The following ASTN2 variants were observed in gnomAD, a reference collection of about 807,000 sequenced individuals.
ASTN2 encodes astrotactin 2.
ASTN2 carries 54 observed loss-of-function variants against 139.8 expected under a neutral mutation model. The ratio of observed to expected loss-of-function variants is 0.39; its 90% CI spans 0.31 to 0.48. The LOEUF (loss-of-function observed/expected upper bound fraction) is 0.48, where lower values mean the gene tolerates loss of function less well. Among genes scored for constraint, ASTN2 ranks in the 20% least tolerant of loss-of-function variants. The probability of loss-of-function intolerance (pLI) is 0.95; values close to 1 mark genes in which losing one functional copy is unlikely to be tolerated. For synonymous variants in ASTN2, 756 were observed against 719.5 expected, an observed-to-expected ratio of 1.05 and a Z score of -0.81; for missense variants, 1,565 against 1,725.1, an observed-to-expected ratio of 0.91 and a Z score of 1.64.
chr9:116,436,615 A>T (rs1236324651), intron 22 of ASTN2, among the ~76,000 whole-genome samples: 8 of 152,208 alleles, frequency 5.3e-5, no homozygotes, highest in South Asian at 2.1e-4. Context: ...TAGTTAAACC[A>T]TTAGGGTGTG....
intron 5 of ASTN2, among the ~76,000 whole-genome samples, chr9:117,095,570 T>C (rs7875223): frequency 0.024 from 3,603 of 152,298 alleles, 131 homozygotes; most frequent in African/African-American, 0.082. Flanking sequence ...CTTGATTCTT[T>C]CCCATTAACC....
intron 10 of ASTN2, among the ~76,000 whole-genome samples, chr9:116,914,016 C>T (rs1588407073): frequency 6.8e-6 from 1 of 147,436 alleles, no homozygotes; most frequent in Non-Finnish European, 1.5e-5. Flanking sequence ...GTGGAGTAGG[C>T]ATTCTAGATA....
chr9:117,271,258 G>A (rs546871548), intron 2 of ASTN2, among the ~76,000 whole-genome samples: 1 of 152,146 alleles, frequency 6.6e-6, no homozygotes, highest in Non-Finnish European at 1.5e-5. Flanking sequence ...AGAAGAAAAA[G>A]CAGAAACCCC....
rs144385545 is a variant in ASTN2 at position 117,214,700 on chromosome 9, C to A, written c.673G>T (p.Val225Leu). The change falls in exon 3 of 23, where the codon GTG (valine) becomes TTG (leucine). Residue 225 changes from valine (V) to leucine (L), a missense_variant. Around this residue, in one of 4 missense-constraint regions of ASTN2, gnomAD observed 596 missense variants for 576.8 expected, o/e 1.03. Transcript: ENST00000313400. The part of the protein sequence containing the change: ...ALLLLLLVFT[V>L]ALYAQRRWQK... ...CAACGTCGCTGGGCGTACAGCGCCA[C>A]GGTGAACACCAGCAGCAGCAGCAGC... 21 of 1,521,188 alleles carry A rather than the reference C, an allele frequency of 1.4e-5. No homozygotes were observed. The highest frequency in any genetic ancestry group is 1.8e-4 in the Middle Eastern group (1 of 5,626). 94.2% of individuals were successfully genotyped at this position (1,521,188 alleles called of 1,614,324 possible). A position where few individuals can be genotyped will look rare whatever the true frequency, so the allele number is the denominator to read the frequency against.
chr9:116,980,390 TAAAAAAA>T (rs1041904593), intron 7 of ASTN2, among the ~76,000 whole-genome samples: 1 of 143,460 alleles, frequency 7.0e-6, no homozygotes, highest in African/African-American at 2.6e-5. Flanking sequence ...AAAGTTGAAT[TAAAAAAA>T]AAAAAGAAAA....
At chr9:117,229,005 AAAAAC>A (rs71268506) in intron 2 of ASTN2, among the ~76,000 whole-genome samples, 4 of 150,598 alleles carry the variant, frequency 2.7e-5, no homozygotes, top group Admixed American at 6.6e-5. Context: ...CTCCATTTCA[AAAAAC>A]AAAACAAAAC....
chr9:116,487,575 C>T, intron 19 of ASTN2, 75 bp from the exon 20 acceptor site: 2 of 1,410,998 alleles, frequency 1.4e-6, no homozygotes, highest in Admixed American at 2.4e-5. Flanking sequence ...TCATCCAAAC[C>T]TATCAAATGT....
At chr9:116,993,306 A>G (rs1836910988) in intron 7 of ASTN2, among the ~76,000 whole-genome samples, 1 of 152,110 alleles carries the variant, frequency 6.6e-6, no homozygotes, top group Non-Finnish European at 1.5e-5. Flanking sequence ...GAGCCTTTGC[A>G]CAGCCTGTTC....
intron 5 of ASTN2, among the ~76,000 whole-genome samples, chr9:117,050,782 C>T (rs893042152): frequency 1.3e-5 from 2 of 152,104 alleles, no homozygotes; most frequent in African/African-American, 2.4e-5. Context: ...CTCCCTCCTC[C>T]TCACCTCTTT....
Position 117,315,143 on chromosome 9 carries a change from T to C in ASTN2, c.443-23630A>G, listed in dbSNP as rs16934501. On this transcript the variant is annotated intron_variant, in intron 1 of 22. Coordinates refer to ENST00000313400, the MANE Select transcript of ASTN2 (RefSeq NM_001365068.1). ...TTAGCACCTCTAGCCTTGCTAAAAC[T>C]ATAAGTGATTACACCTCCCTAAATG... Among the ~76,000 whole-genome samples the C allele has an allele frequency of 5.3e-3, 811 of 152,186 alleles. 7 individuals are homozygous for C. The highest frequency in any genetic ancestry group is 0.019 in the African/African-American group (778 of 41,512).
At chr9:116,946,512 C>T (rs1305754918) in intron 10 of ASTN2, among the ~76,000 whole-genome samples, 1 of 152,064 alleles carries the variant, frequency 6.6e-6, no homozygotes, top group Non-Finnish European at 1.5e-5. Context: ...TAATAAATTC[C>T]TTAGCTGTAC....
intron 16 of ASTN2, among the ~76,000 whole-genome samples, chr9:116,688,678 A>G (rs1343523892): frequency 6.6e-6 from 1 of 152,212 alleles, no homozygotes; most frequent in Non-Finnish European, 1.5e-5. Context: ...GGGAAGAAGA[A>G]GTGGAACTAT....
At chr9:116,794,498 G>A (rs1830641118) in intron 13 of ASTN2, among the ~76,000 whole-genome samples, 1 of 152,160 alleles carries the variant, frequency 6.6e-6, no homozygotes, top group Non-Finnish European at 1.5e-5. Context: ...GGTTGGATGA[G>A]CTTGGTTTAG....
intron 16 of ASTN2, among the ~76,000 whole-genome samples, chr9:116,671,160 A>C (rs1002009669): frequency 1.3e-5 from 2 of 152,202 alleles, no homozygotes; most frequent in African/African-American, 4.8e-5. Context: ...TTTATATTAG[A>C]AAAGAAAGTT....
intron 19 of ASTN2, among the ~76,000 whole-genome samples, chr9:116,501,369 T>C (rs913598120): frequency 2.6e-5 from 4 of 152,236 alleles, no homozygotes; most frequent in African/African-American, 9.6e-5. Flanking sequence ...CTATCATTGT[T>C]GGACATTTGG....
chr9:117,250,660 GC>G (rs1266491522), intron 2 of ASTN2, among the ~76,000 whole-genome samples: 1 of 152,092 alleles, frequency 6.6e-6, no homozygotes, highest in Non-Finnish European at 1.5e-5. Flanking sequence ...GCAAAAAACA[GC>G]AATTACTTTT....
At chr9:116,931,302 G>C (rs987760062) in intron 10 of ASTN2, among the ~76,000 whole-genome samples, 5 of 152,134 alleles carry the variant, frequency 3.3e-5, no homozygotes, top group African/African-American at 1.2e-4. Context: ...GTGGAGACAT[G>C]GGTTGTGGGT....
At chr9:117,292,174 C>T (rs1398240351) in intron 1 of ASTN2, among the ~76,000 whole-genome samples, 1 of 152,174 alleles carries the variant, frequency 6.6e-6, no homozygotes, top group African/African-American at 2.4e-5. Flanking sequence ...CTGCCCCATC[C>T]CAACGTTCTC....
chr9:117,365,708 T>C (rs1270390104), intron 1 of ASTN2, among the ~76,000 whole-genome samples: 2 of 152,144 alleles, frequency 1.3e-5, no homozygotes, highest in African/African-American at 2.4e-5. Flanking sequence ...GACAAAGCAA[T>C]GCTAACAGTT....
Sources: allele counts gnomAD v4.1 joint callset (sites outside exome capture counted in the v4.1 genomes callset), GRCh38; gene constraint gnomAD v4.1.1; regional missense constraint gnomAD v4.1.1; transcripts MANE v1.5; gene names NCBI Gene and HGNC (gene_info 2026-07-23, HGNC 2026-07-21).